The following ZFP14 variants were observed in gnomAD, a reference collection of about 807,000 sequenced individuals.
ZFP14 encodes the protein ZFP14 zinc finger protein.
A neutral mutation model predicts 54.5 loss-of-function variants in ZFP14; 22 were observed. The ratio of observed to expected loss-of-function variants is 0.40; its 90% CI spans 0.29 to 0.58. ZFP14 has a LOEUF of 0.58. Among genes scored for constraint, ZFP14 ranks in the 20% least tolerant of loss-of-function variants. ZFP14 has a pLI of 0.39. For synonymous variants in ZFP14, 159 were observed against 204.0 expected (o/e 0.78, Z 1.88); for missense variants, 470 against 637.8 (o/e 0.74, Z 2.83).
intron 4 of ZFP14, among the ~76,000 whole-genome samples, chr19:36,352,852 A>C (rs1377728022): frequency 2.8e-5 from 4 of 140,700 alleles, no homozygotes; most frequent in African/African-American, 1.0e-4. Flanking sequence ...GAGGCAGAAG[A>C]ATGGCGTGAA....
rs903475119 is a variant in ZFP14 at position 36,363,197 on chromosome 19, T to C, written c.10-959A>G. The stretch of plus-strand genomic sequence containing the variant: ...TCATATTCTTTTCTTTTCTTTTTTT[T>C]TTTTTTTTTTTTTTGAGACGGAGTC... On this transcript the variant is annotated intron_variant, in intron 2 of 4. Coordinates refer to ENST00000270001, the MANE Select transcript of ZFP14 (RefSeq NM_020917.3). 4.7e-3 allele frequency among the ~76,000 whole-genome samples: 653 copies of C among 140,304 alleles called. 1 individual carries two copies. The highest frequency in any genetic ancestry group is 9.7e-3 in the African/African-American group (371 of 38,148). The allele number at this position is 140,304 out of a possible 152,430, so 92.0% of individuals were successfully genotyped here.
intron 4 of ZFP14, among the ~76,000 whole-genome samples, chr19:36,349,271 C>A (rs77390978): frequency 0.01 from 837 of 82,696 alleles, 6 homozygotes; most frequent in East Asian, 0.017. Flanking sequence ...AAAAAAAAAA[C>A]AGGAAGAACA....
At chr19:36,346,772 T>C (rs1298492633) in intron 4 of ZFP14, among the ~76,000 whole-genome samples, 1 of 152,198 alleles carries the variant, frequency 6.6e-6, no homozygotes, top group Non-Finnish European at 1.5e-5. Flanking sequence ...ACATTTTTTG[T>C]ACATCTTGTT....
chr19:36,365,386 A>G (rs1415289336), intron 2 of ZFP14, among the ~76,000 whole-genome samples: 1 of 151,794 alleles, frequency 6.6e-6, no homozygotes, highest in Non-Finnish European at 1.5e-5. Flanking sequence ...TACTTTTCCA[A>G]TCTTTTAGGA....
chr19:36,346,720 T>C (rs896816557), intron 4 of ZFP14, among the ~76,000 whole-genome samples: 1 of 152,224 alleles, frequency 6.6e-6, no homozygotes, highest in African/African-American at 2.4e-5. Flanking sequence ...CCTCCCAAAG[T>C]GCTGGGATTA....
chr19:36,375,313 G>A (rs1267138394), intron 1 of ZFP14, among the ~76,000 whole-genome samples: 2 of 151,948 alleles, frequency 1.3e-5, no homozygotes, highest in East Asian at 3.9e-4. Context: ...GACAAAACTT[G>A]ACAGTGTGTG....
intron 1 of ZFP14, among the ~76,000 whole-genome samples, chr19:36,376,309 G>A (rs759728251): frequency 3.9e-5 from 6 of 152,110 alleles, no homozygotes; most frequent in Non-Finnish European, 7.3e-5. Context: ...CACTTTGGGA[G>A]GCCAACACAG....
intron 1 of ZFP14, among the ~76,000 whole-genome samples, chr19:36,372,892 C>T (rs981982600): frequency 9.9e-5 from 15 of 152,160 alleles, no homozygotes; most frequent in African/African-American, 3.4e-4. Flanking sequence ...TGTGACAACA[C>T]AGATGAATCT....
chr19:36,346,520 C>T (rs2145543581), intron 4 of ZFP14, among the ~76,000 whole-genome samples: 1 of 151,970 alleles, frequency 6.6e-6, no homozygotes, highest in African/African-American at 2.4e-5. Context: ...TAGTGTGGCG[C>T]AGTCTCAGCT....
intron 1 of ZFP14, among the ~76,000 whole-genome samples, chr19:36,371,803 T>A (rs944786018): frequency 3.3e-5 from 5 of 151,908 alleles, no homozygotes; most frequent in East Asian, 3.9e-4. Context: ...AATAATTTTT[T>A]AAAAATAAGC....
chr19:36,378,252 G>A (rs1229372304), intron 1 of ZFP14: 1 of 152,236 alleles, frequency 6.6e-6, no homozygotes, highest in African/African-American at 2.4e-5. Flanking sequence ...AATCATGAGT[G>A]TAATCAAGAG....
rs1048757891 is a variant in ZFP14 at position 36,339,908 on chromosome 19, T to C, written c.*316A>G. The C allele has an allele frequency of 8.8e-6, 2 of 226,272 alleles. No individual in the cohort carries two copies. Among genetic ancestry groups the C allele is most frequent in the Non-Finnish European group, 1.7e-5 (2 of 115,628 alleles). The allele number at this position is 226,272 out of a possible 1,614,324, so 14.0% of individuals were successfully genotyped here. ...TAACTAATACATATAAGTACTATTATTACCATTTTACAAGTCAGCAAAATG... is the reference window on the plus strand; with the variant it reads ...TAACTAATACATATAAGTACTATTACTACCATTTTACAAGTCAGCAAAATG... On this transcript the variant is annotated 3_prime_UTR_variant, in exon 5 of 5. Coordinates refer to ENST00000270001, the MANE Select transcript of ZFP14 (RefSeq NM_020917.3).
At chr19:36,378,113 G>C (rs1422817816) in intron 1 of ZFP14, 1 of 152,218 alleles carries the variant, frequency 6.6e-6, no homozygotes, top group East Asian at 1.9e-4. Flanking sequence ...GACGAGAAAA[G>C]CTCTTTCGTA....
Position 36,337,417 on chromosome 19 carries a change from AT to A in ZFP14, c.*2806del, listed in dbSNP as rs1421473924. On this transcript the variant is annotated 3_prime_UTR_variant, in exon 5 of 5. Transcript: ENST00000270001. ...AAATACTCAAAAAAAAACAATAAAA[AT>A]AAAATACAATAAAAATAATGCAAAT... is the stretch of plus-strand genomic sequence containing the variant. 6.6e-6 allele frequency: 1 copy of A among 152,226 alleles called. No individual in the cohort carries two copies. The highest frequency in any genetic ancestry group is 2.4e-5 in the African/African-American group (1 of 41,448). 9.4% of individuals were successfully genotyped at this position (152,226 alleles called of 1,614,324 possible). A position where few individuals can be genotyped will look rare whatever the true frequency, so the allele number is the denominator to read the frequency against.
intron 2 of ZFP14, among the ~76,000 whole-genome samples, chr19:36,366,259 C>T (rs1326114551): frequency 2.0e-5 from 3 of 151,708 alleles, no homozygotes; most frequent in Non-Finnish European, 4.4e-5. Flanking sequence ...CAGAGCGAGA[C>T]TCTGTCTCAA....
At chr19:36,379,007 C>A (rs1488687739) in intron 1 of ZFP14, among the ~76,000 whole-genome samples, 156 bp downstream of exon 1, 1 of 152,314 alleles carries the variant, frequency 6.6e-6, no homozygotes, top group Admixed American at 6.5e-5. Flanking sequence ...TGGACCTGGG[C>A]GGCTCTGAAG....
At position 36,337,464 on chromosome 19, in the gene ZFP14, C is replaced by T. The variant is rs1043501901; in HGVS notation, c.*2760G>A. ...CAAATTGAAAAATACAGTATAACAACTATTTACATAGTATTTACATTGTGA... is the reference window on the plus strand; with the variant it reads ...CAAATTGAAAAATACAGTATAACAATTATTTACATAGTATTTACATTGTGA... On this transcript the variant is annotated 3_prime_UTR_variant, in exon 5 of 5. Transcript: ENST00000270001. 4.0e-5 allele frequency: 6 copies of T among 151,820 alleles called. No homozygotes were observed. The highest frequency in any genetic ancestry group is 7.4e-5 in the Non-Finnish European group (5 of 67,998). The allele number at this position is 151,820 out of a possible 1,614,324, so 9.4% of individuals were successfully genotyped here. A position where few individuals can be genotyped will look rare whatever the true frequency, so the allele number is the denominator to read the frequency against.
chr19:36,353,358 T>C (rs369514797), intron 4 of ZFP14, among the ~76,000 whole-genome samples: 1 of 142,888 alleles, frequency 7.0e-6, no homozygotes, highest in East Asian at 2.1e-4. Flanking sequence ...AAACTATCCA[T>C]CATGCCCTTA....
At chr19:36,373,228 G>C (rs943091750) in intron 1 of ZFP14, among the ~76,000 whole-genome samples, 5 of 151,060 alleles carry the variant, frequency 3.3e-5, no homozygotes, top group Non-Finnish European at 7.4e-5. Flanking sequence ...GGTGAGCCGA[G>C]ATGGCGTCAT....
Sources: gnomAD v4.1 joint callset for allele counts (sites outside exome capture counted in the v4.1 genomes callset) on GRCh38, gnomAD v4.1.1 for gene constraint, MANE v1.5 for transcripts, NCBI Gene and HGNC (gene_info 2026-07-23, HGNC 2026-07-21) for gene names.